The following TG variants were observed in gnomAD, a reference collection of about 807,000 sequenced individuals.
TG encodes thyroid hormones.
In TG, 270 loss-of-function variants were observed where a neutral mutation model predicts 324.7. The ratio of observed to expected loss-of-function variants is 0.83; its 90% confidence interval spans 0.75 to 0.92. TG has a LOEUF of 0.92. TG is among the 40% of genes least tolerant of loss of function. The pLI is 0.00. For synonymous variants in TG, 1,401 were observed against 1,327.0 expected, an observed-to-expected ratio of 1.06 and a Z score of -1.21; for missense variants, 3,591 against 3,456.4, an observed-to-expected ratio of 1.04 and a Z score of -0.98.
At chr8:132,892,760 G>T (rs1291954321) in intron 10 of TG, among the ~76,000 whole-genome samples, 5 of 151,460 alleles carry the variant, frequency 3.3e-5, no homozygotes, top group African/African-American at 1.2e-4. Flanking sequence ...GCACTTATGT[G>T]TGTGGTATGT....
At chr8:133,126,411 T>G (rs2130340440) in intron 45 of TG, among the ~76,000 whole-genome samples, 1 of 152,272 alleles carries the variant, frequency 6.6e-6, no homozygotes, top group African/African-American at 2.4e-5. Flanking sequence ...GCAAAGTTCA[T>G]TTTTTTCTGG....
At chr8:133,113,879 G>A (rs1850477133) in intron 44 of TG, among the ~76,000 whole-genome samples, 1 of 152,188 alleles carries the variant, frequency 6.6e-6, no homozygotes, top group Non-Finnish European at 1.5e-5. Context: ...AGCTGTCGGA[G>A]GGCAGAGACG....
intron 37 of TG, among the ~76,000 whole-genome samples, chr8:133,017,320 G>A (rs1564076773): frequency 6.6e-6 from 1 of 151,480 alleles, no homozygotes; most frequent in African/African-American, 2.4e-5. Flanking sequence ...TCTGACATGG[G>A]TGGCTGAAGA....
intron 23 of TG, among the ~76,000 whole-genome samples, chr8:132,932,631 T>A (rs1217896449): frequency 2.0e-5 from 3 of 152,240 alleles, no homozygotes; most frequent in Admixed American, 2.0e-4. Flanking sequence ...TGTTAAATCA[T>A]TAATTGCCAT....
intron 16 of TG, among the ~76,000 whole-genome samples, chr8:132,903,728 C>T (rs921414347): frequency 6.6e-6 from 1 of 152,200 alleles, no homozygotes; most frequent in Non-Finnish European, 1.5e-5. Flanking sequence ...TCACTGCAGA[C>T]TGTGATGGAG....
At chr8:133,054,809 A>G (rs1247350279) in intron 41 of TG, among the ~76,000 whole-genome samples, 1 of 152,206 alleles carries the variant, frequency 6.6e-6, no homozygotes, top group Non-Finnish European at 1.5e-5. Context: ...CACAAAGGGG[A>G]GGGACCCAGG....
rs781313705 is a variant in TG, at chr8:132,888,291, C to A, written c.2484C>A (p.Gly828=). The A allele has an allele frequency of 4.3e-6, 7 of 1,614,200 alleles. No individual in the cohort carries two copies. The South Asian group carries it at 7.7e-5, about 18-fold the overall frequency. ...TTATTCAAAGTCTGTATGAGGCTGG[C>A]CAGCAAGATGTCTTCCCGGTGCTGT... ...SLFIQSLYEA[G]QQDVFPVLSQ... is the part of the protein sequence containing the mutation. Residue 828 remains glycine (G), a synonymous_variant, in exon 10 of 48, where the codon GGC becomes GGA. Transcript: ENST00000220616.
At position 133,122,828 on chromosome 8, in the gene TG, T is replaced by C. The variant is rs151173333; in HGVS notation, c.7862+6112T>C. Among the ~76,000 whole-genome samples, 498 of 152,320 alleles carry C rather than the reference T, an allele frequency of 3.3e-3. 3 individuals carry two copies. Among genetic ancestry groups the C allele is most frequent in the African/African-American group, 0.011 (476 of 41,564 alleles). ...TGATGAGAGAAAAAAACTCACCAGC[T>C]TTCTCCTGTTCATCTCTGCCCACTG... On this transcript the variant is annotated intron_variant, in intron 45 of 47. Transcript: ENST00000220616.
intron 44 of TG, among the ~76,000 whole-genome samples, chr8:133,114,069 G>T (rs1850492805): frequency 6.6e-6 from 1 of 152,154 alleles, no homozygotes; most frequent in Non-Finnish European, 1.5e-5. Flanking sequence ...GGCCCATAGT[G>T]GGGCAGCATT....
At chr8:133,079,059 T>G (rs1845343746) in intron 41 of TG, among the ~76,000 whole-genome samples, 1 of 152,176 alleles carries the variant, frequency 6.6e-6, no homozygotes, top group Admixed American at 6.5e-5. Flanking sequence ...TCCCAGCAGC[T>G]TGGTCTTCTA....
At chr8:133,032,859 C>G (rs1836759520) in intron 41 of TG, among the ~76,000 whole-genome samples, 1 of 152,232 alleles carries the variant, frequency 6.6e-6, no homozygotes, top group African/African-American at 2.4e-5. Flanking sequence ...TCTTATCTCA[C>G]AGATTCCTTG....
intron 41 of TG, among the ~76,000 whole-genome samples, chr8:133,074,071 T>C (rs1001363052): frequency 1.3e-5 from 2 of 152,198 alleles, no homozygotes; most frequent in Non-Finnish European, 2.9e-5. Context: ...TCTCTCCATA[T>C]GTAGACACCT....
chr8:132,995,628 G>A (rs1338215930), intron 35 of TG: 1 of 626,790 alleles, frequency 1.6e-6, no homozygotes, highest in Non-Finnish European at 2.0e-6. Context: ...GCTCTTAGGA[G>A]ACCCAATTCT....
In TG at chr8:132,970,200, A is replaced by G. The variant is rs1251656368; in HGVS notation, c.5975+631A>G. Among the ~76,000 whole-genome samples the G allele has an allele frequency of 2.6e-5, 4 of 152,160 alleles. No individual in the cohort carries two copies. The East Asian group carries it at 7.7e-4, about 29-fold the overall frequency. ...TTAACAGACTCATATACATATAAAT[A>G]ATTTTTATTTTTTATTTTTAAAATT... On this transcript the variant is annotated intron_variant, in intron 32 of 47. Coordinates refer to ENST00000220616, the MANE Select transcript of TG (RefSeq NM_003235.5).
intron 21 of TG, among the ~76,000 whole-genome samples, chr8:132,922,521 G>A (rs897556367): frequency 4.6e-5 from 7 of 152,318 alleles, no homozygotes; most frequent in African/African-American, 1.7e-4. Flanking sequence ...GTGAAGGAGA[G>A]GTGTGGGTCC....
Position 132,967,989 on chromosome 8 carries a change from C to T in TG, c.5863+19C>T, listed in dbSNP as rs1463469591. 4 of 1,611,782 alleles carry T rather than the reference C, an allele frequency of 2.5e-6. No homozygotes were observed. In the South Asian group the frequency reaches 4.4e-5, roughly 18 times the overall value. On this transcript the variant is annotated intron_variant, in intron 31 of 47. Coordinates refer to ENST00000220616, the MANE Select transcript of TG (RefSeq NM_003235.5). ...AAGAAAGGTGAGCACTTGGAGAGAT[C>T]TGCATAAACTGTATTTCCAATGTTC... is the stretch of plus-strand genomic sequence containing the variant.
At chr8:133,128,058 G>T (rs1266918519) in intron 45 of TG, among the ~76,000 whole-genome samples, 2 of 151,980 alleles carry the variant, frequency 1.3e-5, no homozygotes, top group African/African-American at 4.8e-5. Flanking sequence ...ATGGTAGTTG[G>T]TAAGTAATTC....
intron 21 of TG, among the ~76,000 whole-genome samples, chr8:132,922,705 G>T (rs778963131): frequency 2.6e-5 from 4 of 152,182 alleles, no homozygotes; most frequent in Non-Finnish European, 4.4e-5. Context: ...CAGCAGATTT[G>T]GTGTCTGATA....
intron 41 of TG, among the ~76,000 whole-genome samples, chr8:133,045,867 CCT>C (rs1163864398): frequency 6.6e-6 from 1 of 152,116 alleles, no homozygotes; most frequent in Non-Finnish European, 1.5e-5. Context: ...TCTTTCAGCC[CCT>C]GTCCCACCAA....
Sources: allele counts gnomAD v4.1 joint callset (sites outside exome capture counted in the v4.1 genomes callset), GRCh38; gene constraint gnomAD v4.1.1; transcripts MANE v1.5; gene names NCBI Gene and HGNC (gene_info 2026-07-23, HGNC 2026-07-21).